Variants in PEAK1 observed in about 807,000 individuals in gnomAD.
PEAK1 encodes the protein pseudopodium enriched atypical kinase 1, also known as inactive tyrosine-protein kinase PEAK1.
PEAK1 carries 54 observed loss-of-function variants against 124.7 expected under a neutral mutation model. That is an observed-to-expected ratio of 0.43 (90% CI 0.35 to 0.54). The LOEUF is 0.54. Ranked by LOEUF, PEAK1 falls within the 20% of genes least tolerant of loss-of-function variation. The probability of loss-of-function intolerance (pLI) is 0.01; values close to 1 mark genes in which losing one functional copy is unlikely to be tolerated. For synonymous variants in PEAK1, 719 were observed against 760.0 expected (o/e 0.95, Z 0.89); for missense variants, 2,046 against 2,134.5 (o/e 0.96, Z 0.82).
At chr15:77,205,050 G>T in intron 6 of PEAK1, 1 of 184,732 alleles carries the variant, frequency 5.4e-6, no homozygotes, top group Non-Finnish European at 1.1e-5. Context: ...TAAAAACGAG[G>T]CATGTCCAGC....
chr15:77,247,464 T>C (rs913212190), intron 6 of PEAK1, among the ~76,000 whole-genome samples: 5 of 147,956 alleles, frequency 3.4e-5, no homozygotes, highest in Non-Finnish European at 5.9e-5. Flanking sequence ...AATTTTTTTT[T>C]TCTCTTTTTT....
At chr15:77,201,582 T>G (rs1345938782) in intron 6 of PEAK1, among the ~76,000 whole-genome samples, 1 of 152,028 alleles carries the variant, frequency 6.6e-6, no homozygotes, top group Non-Finnish European at 1.5e-5. Context: ...TTTCCAAACA[T>G]CACAGGCCAA....
intron 2 of PEAK1, among the ~76,000 whole-genome samples, chr15:77,311,413 C>T (rs1050279446): frequency 6.6e-6 from 1 of 152,072 alleles, no homozygotes; most frequent in South Asian, 2.1e-4. Flanking sequence ...CAGTGGCTCA[C>T]GCCTGTAATC....
At chr15:77,302,277 C>A (rs375498200) in intron 2 of PEAK1, among the ~76,000 whole-genome samples, 2 of 152,130 alleles carry the variant, frequency 1.3e-5, no homozygotes, top group African/African-American at 4.8e-5. Flanking sequence ...TAAATATGTA[C>A]ACTAACCTGT....
chr15:77,259,177 C>G (rs2061318780), intron 5 of PEAK1, among the ~76,000 whole-genome samples: 1 of 152,104 alleles, frequency 6.6e-6, no homozygotes. Flanking sequence ...ATTTCTAATA[C>G]AAACTACATT....
chr15:77,236,735 T>C (rs930974363), intron 6 of PEAK1, among the ~76,000 whole-genome samples: 1 of 152,134 alleles, frequency 6.6e-6, no homozygotes, highest in Admixed American at 6.6e-5. Flanking sequence ...CCAAATCTCA[T>C]CTTAAACTGT....
intron 2 of PEAK1, among the ~76,000 whole-genome samples, chr15:77,328,344 G>C (rs1490515185): frequency 6.6e-6 from 1 of 151,988 alleles, no homozygotes; most frequent in African/African-American, 2.4e-5. Flanking sequence ...TTTTTTGAAA[G>C]AATGGAAAAA....
intron 1 of PEAK1, among the ~76,000 whole-genome samples, chr15:77,399,599 T>C (rs2071184892): frequency 6.6e-6 from 1 of 152,166 alleles, no homozygotes; most frequent in African/African-American, 2.4e-5. Context: ...CTGGGGAGAC[T>C]GGCTATCCAT....
chr15:77,114,676 T>C lies in PEAK1; in HGVS notation c.4721A>G (p.Gln1574Arg). 1 of 1,613,758 alleles carries C rather than the reference T, an allele frequency of 6.2e-7. No individual in the cohort carries two copies. The highest frequency in any genetic ancestry group is 8.5e-7 in the Non-Finnish European group (1 of 1,179,942). ...HLVDPEILRD[Q>R]SRLAPEIITA... is the part of the protein sequence containing the mutation. The stretch of plus-strand genomic sequence containing the variant: ...TATGATCTCTGGGGCAAGGCGAGAC[T>C]GGTCCCGGAGGATCTCGGGGTCCAC... The change falls in exon 10 of 10, where the codon CAG becomes CGG. Residue 1574 changes from glutamine (Q) to arginine (R), a missense_variant. Gln to Arg is a conservative substitution (Grantham distance 43, BLOSUM62 1). Coordinates refer to ENST00000682557, the MANE Select transcript of PEAK1 (RefSeq NM_001385026.1).
intron 7 of PEAK1, among the ~76,000 whole-genome samples, chr15:77,164,199 T>C (rs1325483117): frequency 6.6e-6 from 1 of 152,248 alleles, no homozygotes. Flanking sequence ...ATTGACATTC[T>C]CAGATAGAGA....
intron 2 of PEAK1, among the ~76,000 whole-genome samples, chr15:77,306,809 A>G (rs963098714): frequency 1.3e-5 from 2 of 152,150 alleles, no homozygotes; most frequent in African/African-American, 4.8e-5. Flanking sequence ...TGTATGAATA[A>G]ATCTGAGCTT....
At chr15:77,403,836 C>T (rs996899571) in intron 1 of PEAK1, 34 of 984,348 alleles carry the variant, frequency 3.5e-5, no homozygotes, top group Middle Eastern at 1.0e-3. Context: ...ATATCCCTAA[C>T]CTTTATGCCC....
At chr15:77,417,458 G>T in intron 1 of PEAK1, 1 of 870,944 alleles carries the variant, frequency 1.1e-6, no homozygotes, top group Non-Finnish European at 1.4e-6. Flanking sequence ...GGGATGCGGG[G>T]CGGGGGGGGA....
At chr15:77,316,940 G>C (rs2153010643) in intron 2 of PEAK1, among the ~76,000 whole-genome samples, 1 of 152,180 alleles carries the variant, frequency 6.6e-6, no homozygotes, top group African/African-American at 2.4e-5. Context: ...AATTAGCTGG[G>C]CGTGGTGGCG....
chr15:77,253,488 T>C (rs906995830), intron 5 of PEAK1, among the ~76,000 whole-genome samples: 2 of 152,226 alleles, frequency 1.3e-5, no homozygotes, highest in Non-Finnish European at 2.9e-5. Context: ...TTTCTTCCTG[T>C]AGAACTGAGT....
chr15:77,201,736 A>C (rs1308245527), intron 6 of PEAK1, among the ~76,000 whole-genome samples: 1 of 152,098 alleles, frequency 6.6e-6, no homozygotes, highest in Non-Finnish European at 1.5e-5. Flanking sequence ...TTGCTTTTTC[A>C]TCATTTTGGT....
intron 2 of PEAK1, among the ~76,000 whole-genome samples, chr15:77,312,494 C>G (rs1211020424): frequency 6.6e-6 from 1 of 152,162 alleles, no homozygotes; most frequent in Non-Finnish European, 1.5e-5. Flanking sequence ...ACTGAATTGG[C>G]TAAGACTATG....
intron 1 of PEAK1, among the ~76,000 whole-genome samples, chr15:77,386,351 CCTT>C (rs2069936118): frequency 6.6e-6 from 1 of 152,150 alleles, no homozygotes. Context: ...GTATGTGAAG[CCTT>C]CTTCATCAAT....
Position 77,109,200 on chromosome 15 carries a change from T to C in PEAK1, c.*4956A>G, listed in dbSNP as rs1447542788. On this transcript the variant is annotated 3_prime_UTR_variant, in exon 10 of 10. Coordinates refer to ENST00000682557, the MANE Select transcript of PEAK1 (RefSeq NM_001385026.1). ...TAAAAAAATCTTCCGCTCTCAGTATTATATGATGTTCTCAAGCTGAGGTTT... is the reference window on the plus strand; with the variant it reads ...TAAAAAAATCTTCCGCTCTCAGTATCATATGATGTTCTCAAGCTGAGGTTT... The C allele has an allele frequency of 6.6e-6, 1 of 152,184 alleles. No homozygotes were observed. The highest frequency in any genetic ancestry group is 1.5e-5 in the Non-Finnish European group (1 of 68,026). 9.4% of individuals were successfully genotyped at this position (152,184 alleles called of 1,614,324 possible). A position where few individuals can be genotyped will look rare whatever the true frequency, so the allele number is the denominator to read the frequency against.
Sources: gnomAD v4.1 joint callset for allele counts (sites outside exome capture counted in the v4.1 genomes callset) on GRCh38, gnomAD v4.1.1 for gene constraint, MANE v1.5 for transcripts, NCBI Gene and HGNC (gene_info 2026-07-23, HGNC 2026-07-21) for gene names.